Variants in AGBL3 observed in about 807,000 individuals in gnomAD.
AGBL3 encodes AGBL carboxypeptidase 3.
Under a neutral mutation model 94.5 loss-of-function variants are expected in AGBL3, and 68 were observed. The observed-to-expected ratio is 0.72, with a 90% CI of 0.59 to 0.88. The LOEUF is 0.88. AGBL3 is among the 40% of genes least tolerant of loss of function. The pLI, the probability that AGBL3 is intolerant of heterozygous loss-of-function variation, is 0.00. For synonymous variants in AGBL3, 354 were observed against 370.7 expected (o/e 0.95, Z 0.52); for missense variants, 934 against 1,103.8 (o/e 0.85, Z 2.18).
intron 8 of AGBL3, among the ~76,000 whole-genome samples, chr7:135,039,887 C>A (rs923677381): frequency 6.6e-6 from 1 of 151,580 alleles, no homozygotes; most frequent in African/African-American, 2.4e-5. Context: ...GAAAAAAAAT[C>A]AATTAAGCAA....
intron 7 of AGBL3, among the ~76,000 whole-genome samples, chr7:135,035,980 AAATT>A (rs1258414295): frequency 3.9e-5 from 6 of 152,252 alleles, no homozygotes; most frequent in Admixed American, 1.3e-4. Flanking sequence ...AAAGGGCAAT[AAATT>A]AACACATAAT....
At chr7:134,988,066 T>C in intron 2 of AGBL3, 70 bp downstream of exon 2, 1 of 1,115,456 alleles carries the variant, frequency 9.0e-7, no homozygotes, top group Non-Finnish European at 1.3e-6. Context: ...ATTAAAATAT[T>C]ATAAAATCAA....
At chr7:135,116,108 A>C (rs1479220840) in intron 16 of AGBL3, among the ~76,000 whole-genome samples, 3 of 152,226 alleles carry the variant, frequency 2.0e-5, no homozygotes, top group Admixed American at 2.0e-4. Flanking sequence ...AAAATAATAA[A>C]TACAATACTA....
At chr7:135,130,918 A>G (rs1828662608) in intron 16 of AGBL3, among the ~76,000 whole-genome samples, 1 of 152,172 alleles carries the variant, frequency 6.6e-6, no homozygotes, top group South Asian at 2.1e-4. Context: ...GCTTAGAAGC[A>G]AAGTAAAATT....
rs1809896434 is a variant in AGBL3, at chr7:134,989,238, T to G, written c.64-12T>G. 1 of 1,522,560 alleles carries G rather than the reference T, an allele frequency of 6.6e-7. No homozygotes were observed. Among genetic ancestry groups the G allele is most frequent in the Non-Finnish European group, 8.8e-7 (1 of 1,133,260 alleles). The allele number at this position is 1,522,560 out of a possible 1,614,324, so 94.3% of individuals were successfully genotyped here. ...TTTTTAAAAGAGAAATATTTTTAAA[T>G]TCTTATTTTAGGATGAGGATATGTT... On this transcript the variant is annotated splice_polypyrimidine_tract_variant and intron_variant, in intron 2 of 16. Coordinates refer to ENST00000436302, the MANE Select transcript of AGBL3 (RefSeq NM_178563.4).
intron 5 of AGBL3, among the ~76,000 whole-genome samples, chr7:135,019,362 C>T (rs1221393050): frequency 6.6e-6 from 1 of 152,082 alleles, no homozygotes; most frequent in African/African-American, 2.4e-5. Flanking sequence ...AAGTCAATTA[C>T]CAATTGTTTT....
At chr7:135,116,022 T>C (rs890250192) in intron 16 of AGBL3, 4 of 154,904 alleles carry the variant, frequency 2.6e-5, no homozygotes, top group African/African-American at 9.6e-5. Context: ...AGTTTTCTTC[T>C]AAAGATAAAA....
chr7:135,043,289 G>A (rs187322744), intron 8 of AGBL3, among the ~76,000 whole-genome samples: 34 of 152,234 alleles, frequency 2.2e-4, no homozygotes, highest in East Asian at 1.9e-4. Context: ...AGATTCTGTC[G>A]TTTGCAACAA....
At chr7:135,125,921 A>G (rs1006416664) in intron 16 of AGBL3, among the ~76,000 whole-genome samples, 2 of 152,190 alleles carry the variant, frequency 1.3e-5, no homozygotes, top group African/African-American at 2.4e-5. Flanking sequence ...ATTTATGACA[A>G]TATATAGCCA....
At chr7:135,115,308 T>C in intron 15 of AGBL3, 72 bp from the exon 16 acceptor site, 1 of 1,011,734 alleles carries the variant, frequency 9.9e-7, no homozygotes, top group African/African-American at 1.6e-5. Flanking sequence ...ATCCTTGGCA[T>C]ATAATAATGC....
chr7:135,046,512 T>C (rs1392509570), intron 11 of AGBL3, among the ~76,000 whole-genome samples: 1 of 152,128 alleles, frequency 6.6e-6, no homozygotes. Flanking sequence ...ACCACAGATA[T>C]TTTAAACTGT....
intron 4 of AGBL3, among the ~76,000 whole-genome samples, chr7:135,012,707 G>C (rs909084685): frequency 2.0e-5 from 3 of 152,038 alleles, no homozygotes; most frequent in Non-Finnish European, 4.4e-5. Flanking sequence ...AGTCTTTTCA[G>C]TAAGTGGTGT....
At chr7:135,115,795 G>GTT in intron 16 of AGBL3, 184 bp downstream of exon 16, 1 of 543,160 alleles carries the variant, frequency 1.8e-6, no homozygotes, top group Non-Finnish European at 3.2e-6. Context: ...GAAGGAGTAA[G>GTT]TTATCAGGCC....
intron 5 of AGBL3, among the ~76,000 whole-genome samples, chr7:135,018,836 G>T (rs1451173860): frequency 6.6e-6 from 1 of 152,160 alleles, no homozygotes; most frequent in East Asian, 1.9e-4. Flanking sequence ...TTTTTATTTT[G>T]AATAAATTGA....
At chr7:135,040,746 G>A (rs945047615) in intron 8 of AGBL3, among the ~76,000 whole-genome samples, 5 of 152,158 alleles carry the variant, frequency 3.3e-5, no homozygotes, top group African/African-American at 1.2e-4. Context: ...CCCACTTCAT[G>A]CAGCCTTGTA....
chr7:134,995,152 G>C (rs1810843825), intron 4 of AGBL3: 1 of 152,164 alleles, frequency 6.6e-6, no homozygotes, highest in South Asian at 2.1e-4. Context: ...AATGGATAAG[G>C]AGCAATAAAG....
At chr7:135,107,220 C>A (rs1824867217) in intron 15 of AGBL3, among the ~76,000 whole-genome samples, 1 of 152,054 alleles carries the variant, frequency 6.6e-6, no homozygotes, top group South Asian at 2.1e-4. Flanking sequence ...TCCTCCACTT[C>A]AGCTCTGACT....
At chr7:135,125,570 A>C (rs1827760235) in intron 16 of AGBL3, among the ~76,000 whole-genome samples, 1 of 152,240 alleles carries the variant, frequency 6.6e-6, no homozygotes, top group South Asian at 2.1e-4. Flanking sequence ...TGATACCAAA[A>C]CCAGGAAGAG....
chr7:135,106,003 G>C (rs1210820747), intron 15 of AGBL3, among the ~76,000 whole-genome samples: 1 of 152,060 alleles, frequency 6.6e-6, no homozygotes, highest in Non-Finnish European at 1.5e-5. Context: ...TGGCTATTAT[G>C]AATGGGATTG....
Sources: gnomAD v4.1 joint callset for allele counts (sites outside exome capture counted in the v4.1 genomes callset) on GRCh38, gnomAD v4.1.1 for gene constraint, MANE v1.5 for transcripts, NCBI Gene and HGNC (gene_info 2026-07-23, HGNC 2026-07-21) for gene names.